The following NLRC4 variants were observed in gnomAD, a reference collection of about 807,000 sequenced individuals.
The protein encoded by NLRC4 is NLR family CARD domain containing 4.
A neutral mutation model predicts 79.9 loss-of-function variants in NLRC4; 63 were observed. That is an observed-to-expected ratio of 0.79 (90% CI 0.64 to 0.97). The LOEUF (loss-of-function observed/expected upper bound fraction) is 0.97. NLRC4 is among the 50% of genes least tolerant of loss of function. The pLI is 0.00. For missense variants in NLRC4, 1,074 were observed against 1,215.2 expected, an observed-to-expected ratio of 0.88 and a Z score of 1.73; for synonymous variants, 461 against 456.5, an observed-to-expected ratio of 1.01 and a Z score of -0.12.
chr2:32,249,661 C>G lies in NLRC4; in HGVS notation c.2203G>C (p.Val735Leu). The change falls in exon 4 of 9, where the codon GTA (valine) becomes CTA (leucine). Residue 735 changes from valine to leucine, a missense_variant. Val to Leu is a conservative substitution (Grantham distance 32). Transcript: ENST00000402280. ...ATACTCAAGGTTTTCAGGTTTGTTA[C>G]AGATGTGATGTGCCTCTCATCTTCT... ...TIEDERHITS[V>L]TNLKTLSIHD... The G allele has an allele frequency of 6.2e-7, 1 of 1,612,956 alleles. No homozygotes were observed. Among genetic ancestry groups the G allele is most frequent in the Non-Finnish European group, 8.5e-7 (1 of 1,179,552 alleles).
chr2:32,241,213 C>G, intron 4 of NLRC4, 88 bp from the exon 5 acceptor site: 2 of 820,438 alleles, frequency 2.4e-6, no homozygotes, highest in Non-Finnish European at 4.0e-6. Flanking sequence ...TGTTACCAAT[C>G]AAAAGATTTT....
intron 8 of NLRC4, among the ~76,000 whole-genome samples, chr2:32,233,173 GAA>G (rs1222482108): frequency 0.013 from 1,212 of 90,592 alleles, 39 homozygotes; most frequent in Non-Finnish European, 0.021. Context: ...AGGAAGGAAG[GAA>G]GGAAGGAAGG....
intron 1 of NLRC4, among the ~76,000 whole-genome samples, chr2:32,257,970 C>G (rs1172832490): frequency 1.3e-5 from 2 of 152,108 alleles, no homozygotes; most frequent in African/African-American, 2.4e-5. Flanking sequence ...CAATGGGACC[C>G]CTGCCTTATT....
intron 2 of NLRC4, 128 bp from the exon 3 acceptor site, chr2:32,252,807 A>G (rs1687112209): frequency 1.5e-6 from 1 of 680,612 alleles, no homozygotes; most frequent in Non-Finnish European, 2.5e-6. Flanking sequence ...TCACGAGGTC[A>G]GGAGATCGAG....
intron 5 of NLRC4, among the ~76,000 whole-genome samples, chr2:32,240,197 T>TC (rs1044484179): frequency 1.0e-3 from 153 of 152,156 alleles, no homozygotes; most frequent in African/African-American, 3.6e-3. Context: ...GCCAGGCTGG[T>TC]CTCGAACTCC....
At position 32,248,102 on chromosome 2, in the gene NLRC4, C is replaced by T. The variant is rs550607572; in HGVS notation, c.2257+1505G>A. Among the ~76,000 whole-genome samples, 319 of 152,008 alleles carry T rather than the reference C, an allele frequency of 2.1e-3. 1 individual carries two copies. Among genetic ancestry groups the T allele is most frequent in the Non-Finnish European group, 3.7e-3 (250 of 67,980 alleles). On this transcript the variant is annotated intron_variant, in intron 4 of 8. Transcript: ENST00000402280. ...CAGATTTCACCACCACGAAATATAT[C>T]GATATAACAAAACTGCACTTGTACC...
At chr2:32,249,532 C>T in intron 4 of NLRC4, 75 bp downstream of exon 4, 3 of 1,221,174 alleles carry the variant, frequency 2.5e-6, no homozygotes, top group Non-Finnish European at 3.4e-6. Flanking sequence ...AAAGTCTCCT[C>T]TCTCCTTTTC....
chr2:32,254,068 G>C (rs1687149131), intron 2 of NLRC4, among the ~76,000 whole-genome samples: 1 of 151,346 alleles, frequency 6.6e-6, no homozygotes, highest in Admixed American at 6.6e-5. Context: ...CAATCCCCAA[G>C]GTATAAATAT....
intron 4 of NLRC4, among the ~76,000 whole-genome samples, chr2:32,242,681 C>A (rs1003812151): frequency 6.6e-6 from 1 of 152,070 alleles, no homozygotes; most frequent in East Asian, 1.9e-4. Context: ...AATAGAAGTA[C>A]AAAGAATAAT....
rs748915605 is a variant in NLRC4, at chr2:32,235,394, T to A, written c.2782+7A>T. 1 of 1,611,552 alleles carries A rather than the reference T, an allele frequency of 6.2e-7. No individual in the cohort carries two copies. Among genetic ancestry groups the A allele is most frequent in the Non-Finnish European group, 8.5e-7 (1 of 1,177,622 alleles). On this transcript the variant is annotated splice_region_variant and intron_variant, in intron 8 of 8. Transcript: ENST00000402280. ...CAGTTATCTTGGCTCTGTATGTGTGTACCTACCTAAAATTCTAATCTCTGT... is the reference window on the plus strand; with the variant it reads ...CAGTTATCTTGGCTCTGTATGTGTGAACCTACCTAAAATTCTAATCTCTGT...
intron 8 of NLRC4, among the ~76,000 whole-genome samples, chr2:32,225,517 G>A (rs1686366698): frequency 6.6e-6 from 1 of 152,022 alleles, no homozygotes; most frequent in Non-Finnish European, 1.5e-5. Context: ...TGGAACCCAA[G>A]TGAGTCTTGC....
intron 8 of NLRC4, among the ~76,000 whole-genome samples, chr2:32,226,652 G>A (rs1348232491): frequency 6.6e-6 from 1 of 152,134 alleles, no homozygotes; most frequent in African/African-American, 2.4e-5. Context: ...AGGCCAAGGC[G>A]GGCAGATCAC....
Position 32,251,483 on chromosome 2 carries a change from A to T in NLRC4, c.381T>A (p.Ile127=). 6.2e-7 allele frequency: 1 copy of T among 1,614,124 alleles called. No individual in the cohort carries two copies. Among genetic ancestry groups the T allele is most frequent in the Non-Finnish European group, 8.5e-7 (1 of 1,179,986 alleles). Residue 127 remains isoleucine, a synonymous_variant, in exon 4 of 9, where the codon ATT becomes ATA. Transcript: ENST00000402280. ...FYPLGEDIDI[I]FNLKSTFTEP... ...CTGTGAAGGTGCTTTTCAAGTTAAAAATAATGTCAATATCTTCACCAAGGG... is the reference window on the plus strand; with the variant it reads ...CTGTGAAGGTGCTTTTCAAGTTAAATATAATGTCAATATCTTCACCAAGGG...
In NLRC4 at chr2:32,224,522, T is replaced by C; in HGVS notation, c.3026A>G (p.Asp1009Gly). ...EARLVGWQFD[D>G]DDLSVITGAF... ...ACCTGTAATAACACTGAGATCATCATCATCAAATTGCCACCCAACAAGCCT... is the reference window on the plus strand; with the variant it reads ...ACCTGTAATAACACTGAGATCATCACCATCAAATTGCCACCCAACAAGCCT... Residue 1009 changes from aspartate to glycine, a missense_variant, in exon 9 of 9, where the codon GAT (aspartate) becomes GGT (glycine). Asp to Gly is a moderately conservative substitution (Grantham distance 94). Coordinates refer to ENST00000402280, the MANE Select transcript of NLRC4 (RefSeq NM_001199138.2). 1 of 1,613,522 alleles carries C rather than the reference T, an allele frequency of 6.2e-7. No homozygotes were observed. Among genetic ancestry groups the C allele is most frequent in the Non-Finnish European group, 8.5e-7 (1 of 1,179,784 alleles).
intron 8 of NLRC4, among the ~76,000 whole-genome samples, chr2:32,227,974 A>G (rs1050427740): frequency 1.3e-5 from 2 of 152,170 alleles, no homozygotes; most frequent in South Asian, 2.1e-4. Context: ...TATCCCAAAC[A>G]CAACTCTTCA....
intron 8 of NLRC4, among the ~76,000 whole-genome samples, chr2:32,230,823 A>G (rs1193153149): frequency 6.6e-6 from 1 of 152,198 alleles, no homozygotes; most frequent in Admixed American, 6.5e-5. Flanking sequence ...CTCTATGTTT[A>G]ACATTTTGAA....
intron 1 of NLRC4, among the ~76,000 whole-genome samples, chr2:32,260,978 G>A (rs1687329117): frequency 6.6e-6 from 1 of 151,904 alleles, no homozygotes; most frequent in Non-Finnish European, 1.5e-5. Context: ...GGATCACAAA[G>A]TCAGGAGATC....
chr2:32,264,410 G>T (rs1311472590), intron 1 of NLRC4, among the ~76,000 whole-genome samples: 1 of 149,446 alleles, frequency 6.7e-6, no homozygotes, highest in Non-Finnish European at 1.5e-5. Flanking sequence ...GTCCAGCCTG[G>T]GTGACAGAGC....
At chr2:32,265,156 C>T (rs555025107), upstream of NLRC4, among the ~76,000 whole-genome samples, 1 of 151,884 alleles carries the variant, frequency 6.6e-6, no homozygotes, top group Admixed American at 6.6e-5. Context: ...TCTGAACATC[C>T]AACATATATT....
Sources: allele counts gnomAD v4.1 joint callset (sites outside exome capture counted in the v4.1 genomes callset), GRCh38; gene constraint gnomAD v4.1.1; transcripts MANE v1.5; gene names NCBI Gene and HGNC (gene_info 2026-07-23, HGNC 2026-07-21).